DYNC1I1: variants seen among roughly 807,000 people sequenced by gnomAD.
DYNC1I1 encodes the protein cytoplasmic dynein 1 intermediate chain 1.
Under a neutral mutation model 86.6 loss-of-function variants are expected in DYNC1I1, and 43 were observed. The ratio of observed to expected loss-of-function variants is 0.50; its 90% confidence interval spans 0.39 to 0.64. DYNC1I1 has a LOEUF of 0.64. DYNC1I1 is among the 30% of genes least tolerant of loss of function. The pLI, the probability that DYNC1I1 is intolerant of heterozygous loss-of-function variation, is 0.00. For missense variants in DYNC1I1, 604 were observed against 788.8 expected (o/e 0.77, Z 2.81); for synonymous variants, 262 against 283.7 (o/e 0.92, Z 0.77).
Position 95,908,981 on chromosome 7 carries a change from G to A in DYNC1I1, c.490+38983G>A, listed in dbSNP as rs147892764. Among the ~76,000 whole-genome samples the A allele has an allele frequency of 4.8e-3, 737 of 151,974 alleles. 1 individual carries two copies. Among genetic ancestry groups the A allele is most frequent in the Non-Finnish European group, 6.8e-3 (465 of 67,974 alleles). ...ATGGGACGGCAGTGGGGGGAAATTA[G>A]AGAGTTGGGCACAGCTCTCCCAGAC... On this transcript the variant is annotated intron_variant, in intron 6 of 16. Coordinates refer to ENST00000447467, the MANE Select transcript of DYNC1I1 (RefSeq NM_001135556.2).
At chr7:95,861,739 G>A (rs1353026951) in intron 5 of DYNC1I1, among the ~76,000 whole-genome samples, 1 of 152,108 alleles carries the variant, frequency 6.6e-6, no homozygotes, top group African/African-American at 2.4e-5. Context: ...ACTGATTCAG[G>A]TGGACTTTAG....
At chr7:95,860,905 T>C (rs892095699) in intron 5 of DYNC1I1, among the ~76,000 whole-genome samples, 2 of 152,098 alleles carry the variant, frequency 1.3e-5, no homozygotes, top group African/African-American at 4.8e-5. Context: ...AATTACTTTC[T>C]AAAAGACCCC....
chr7:96,043,162 C>T (rs1278056525), intron 14 of DYNC1I1, among the ~76,000 whole-genome samples: 1 of 121,718 alleles, frequency 8.2e-6, no homozygotes, highest in African/African-American at 3.3e-5. Context: ...AGTGAGACTC[C>T]ATCTCAAAAA....
intron 4 of DYNC1I1, among the ~76,000 whole-genome samples, chr7:95,823,885 T>TACCCCTCCTCCAAGACCAGG (rs1301470777): frequency 1.2e-4 from 17 of 146,662 alleles, no homozygotes; most frequent in African/African-American, 4.3e-4. Flanking sequence ...GCCCAAATCC[T>TACCCCTCCTCCAAGACCAGG]ACCCCTCCTC....
intron 5 of DYNC1I1, chr7:95,837,559 C>T (rs533155672): frequency 3.2e-3 from 486 of 153,732 alleles, no homozygotes; most frequent in Non-Finnish European, 5.2e-3. Flanking sequence ...GGGCGCCCCT[C>T]CCCCAGCCTC....
At chr7:95,887,188 G>A (rs1245435582) in intron 6 of DYNC1I1, among the ~76,000 whole-genome samples, 1 of 152,142 alleles carries the variant, frequency 6.6e-6, no homozygotes, top group Non-Finnish European at 1.5e-5. Flanking sequence ...ATATACAGAT[G>A]TCTGGGCTTC....
intron 6 of DYNC1I1, among the ~76,000 whole-genome samples, chr7:95,957,631 G>A (rs537862540): frequency 2.6e-5 from 4 of 152,316 alleles, no homozygotes; most frequent in Admixed American, 2.6e-4. Flanking sequence ...CCATGATCTT[G>A]CATGAACTGG....
intron 10 of DYNC1I1, among the ~76,000 whole-genome samples, chr7:96,009,835 A>G (rs765800817): frequency 6.6e-5 from 10 of 151,602 alleles, no homozygotes; most frequent in Non-Finnish European, 1.2e-4. Flanking sequence ...GCTGGAGTTC[A>G]GTGGCACGAT....
intron 5 of DYNC1I1, among the ~76,000 whole-genome samples, chr7:95,832,138 T>G (rs1394860233): frequency 1.1e-5 from 1 of 89,474 alleles, no homozygotes. Flanking sequence ...CCCACAACAG[T>G]CCCCAGAGTG....
At chr7:95,894,706 GTTTA>G in intron 6 of DYNC1I1, among the ~76,000 whole-genome samples, 1 of 152,280 alleles carries the variant, frequency 6.6e-6, no homozygotes, top group African/African-American at 2.4e-5. Flanking sequence ...AAATAAGTTT[GTTTA>G]TTCCTGTAGC....
intron 5 of DYNC1I1, among the ~76,000 whole-genome samples, chr7:95,867,393 G>A (rs1412094810): frequency 1.3e-5 from 2 of 152,164 alleles, no homozygotes; most frequent in African/African-American, 4.8e-5. Flanking sequence ...TAAGAAACAT[G>A]AGGCTTAGAG....
intron 4 of DYNC1I1, among the ~76,000 whole-genome samples, chr7:95,813,571 G>A (rs1794881583): frequency 6.6e-6 from 1 of 152,074 alleles, no homozygotes; most frequent in African/African-American, 2.4e-5. Context: ...TTAGCACCAT[G>A]TGTCTTGCTT....
intron 10 of DYNC1I1, among the ~76,000 whole-genome samples, chr7:96,026,717 T>G (rs1794691550): frequency 6.6e-6 from 1 of 152,190 alleles, no homozygotes; most frequent in Non-Finnish European, 1.5e-5. Context: ...CCTTCAGGAA[T>G]GCCTGTTGCT....
intron 5 of DYNC1I1, among the ~76,000 whole-genome samples, chr7:95,832,236 G>C (rs1169984232): frequency 2.0e-4 from 25 of 126,550 alleles, no homozygotes; most frequent in South Asian, 5.4e-4. Context: ...TTTTGTTCTT[G>C]TGATAGTTTA....
intron 4 of DYNC1I1, among the ~76,000 whole-genome samples, chr7:95,824,858 G>A (rs1434838096): frequency 7.9e-5 from 12 of 152,174 alleles, no homozygotes; most frequent in Admixed American, 7.9e-4. Flanking sequence ...GGAATTCGGC[G>A]AATGTTTAAT....
intron 7 of DYNC1I1, 84 bp downstream of exon 7, chr7:95,977,685 G>A: frequency 3.1e-6 from 4 of 1,296,850 alleles, no homozygotes; most frequent in Non-Finnish European, 4.2e-6. Flanking sequence ...ATAGAGCTAA[G>A]TAAAAATTGA....
At chr7:95,984,639 CT>C (rs1324424104) in intron 7 of DYNC1I1, among the ~76,000 whole-genome samples, 175 bp from the exon 8 acceptor site, 11 of 151,962 alleles carry the variant, frequency 7.2e-5, no homozygotes, top group Non-Finnish European at 2.9e-5. Flanking sequence ...CTGCAGAAGC[CT>C]TTGGTGTGAA....
At chr7:95,870,346 A>C (rs1296839826) in intron 6 of DYNC1I1, among the ~76,000 whole-genome samples, 1 of 151,102 alleles carries the variant, frequency 6.6e-6, no homozygotes, top group Non-Finnish European at 1.5e-5. Context: ...TTAAGCATAC[A>C]TTAAGATTCA....
intron 12 of DYNC1I1, among the ~76,000 whole-genome samples, chr7:96,033,717 G>A (rs1794867148): frequency 6.6e-6 from 1 of 152,100 alleles, no homozygotes. Flanking sequence ...GTTTCAAAAT[G>A]TACATAAGGA....
Sources: gnomAD v4.1 joint callset for allele counts (sites outside exome capture counted in the v4.1 genomes callset) on GRCh38, gnomAD v4.1.1 for gene constraint, MANE v1.5 for transcripts, NCBI Gene and HGNC (gene_info 2026-07-23, HGNC 2026-07-21) for gene names.